SGCZ: variants seen among roughly 807,000 people sequenced by gnomAD.
SGCZ encodes the protein zeta-sarcoglycan.
A neutral mutation model predicts 41.3 loss-of-function variants in SGCZ; 40 were observed. The ratio of observed to expected loss-of-function variants is 0.97; its 90% CI spans 0.75 to 1.26. The LOEUF (loss-of-function observed/expected upper bound fraction) is 1.26. SGCZ is among the 50% of genes most tolerant of loss of function. SGCZ has a pLI of 0.00. For synonymous variants in SGCZ, 206 were observed against 137.5 expected (o/e 1.50, Z -3.49); for missense variants, 552 against 369.8 (o/e 1.49, Z -4.04).
intron 1 of SGCZ, among the ~76,000 whole-genome samples, chr8:15,014,335 T>G (rs1802944702): frequency 6.6e-6 from 1 of 152,188 alleles, no homozygotes; most frequent in South Asian, 2.1e-4. Flanking sequence ...CAGGGGCTGT[T>G]CACAGTGGTT....
intron 3 of SGCZ, among the ~76,000 whole-genome samples, chr8:14,279,975 T>G (rs1176626435): frequency 6.6e-6 from 1 of 151,894 alleles, no homozygotes; most frequent in Non-Finnish European, 1.5e-5. Flanking sequence ...TTACTCAGCT[T>G]AGGGGCTTTG....
intron 1 of SGCZ, among the ~76,000 whole-genome samples, chr8:15,167,337 C>A (rs1404976468): frequency 6.6e-6 from 1 of 152,210 alleles, no homozygotes; most frequent in Non-Finnish European, 1.5e-5. Flanking sequence ...ATGGAGGAAA[C>A]TGGCCTCACG....
At chr8:14,623,678 T>C (rs919501805) in intron 1 of SGCZ, among the ~76,000 whole-genome samples, 14 of 152,172 alleles carry the variant, frequency 9.2e-5, no homozygotes, top group Non-Finnish European at 2.1e-4. Flanking sequence ...TAAGTAATGT[T>C]TATAATTTTT....
At chr8:14,178,979 G>A (rs1804636953) in intron 4 of SGCZ, among the ~76,000 whole-genome samples, 1 of 152,166 alleles carries the variant, frequency 6.6e-6, no homozygotes, top group African/African-American at 2.4e-5. Flanking sequence ...GGAAAGCACT[G>A]GCAGACCTCA....
At chr8:15,008,898 T>C (rs1396133206) in intron 1 of SGCZ, among the ~76,000 whole-genome samples, 1 of 152,016 alleles carries the variant, frequency 6.6e-6, no homozygotes, top group Non-Finnish European at 1.5e-5. Flanking sequence ...TTTTTATTTT[T>C]AAGGAAAAAA....
At chr8:14,359,218 G>T (rs934046802) in intron 2 of SGCZ, among the ~76,000 whole-genome samples, 3 of 151,938 alleles carry the variant, frequency 2.0e-5, no homozygotes, top group East Asian at 3.9e-4. Context: ...ATAAAGAAAG[G>T]ATCCTAAAAT....
chr8:14,984,377 T>G (rs1355276238), intron 1 of SGCZ, among the ~76,000 whole-genome samples: 1 of 152,120 alleles, frequency 6.6e-6, no homozygotes, highest in African/African-American at 2.4e-5. Flanking sequence ...ATTTCCCTGA[T>G]TGTCTTATGA....
At chr8:14,289,217 GA>G (rs1800754781) in intron 3 of SGCZ, among the ~76,000 whole-genome samples, 1 of 65,330 alleles carries the variant, frequency 1.5e-5, no homozygotes, top group African/African-American at 3.7e-5. Context: ...CACATAGTAG[GA>G]TTTTTTTTTT....
chr8:14,863,854 T>C (rs113335703), intron 1 of SGCZ, among the ~76,000 whole-genome samples: 28 of 152,162 alleles, frequency 1.8e-4, no homozygotes, highest in African/African-American at 6.3e-4. Context: ...AGGGGGGCAA[T>C]TAGTACCTTT....
intron 2 of SGCZ, among the ~76,000 whole-genome samples, chr8:14,341,656 A>T (rs1277293629): frequency 6.6e-6 from 1 of 152,062 alleles, no homozygotes; most frequent in Non-Finnish European, 1.5e-5. Flanking sequence ...CAGAATTCCC[A>T]TGTGTTATAG....
rs370252388 is a variant in SGCZ at position 14,147,895 on chromosome 8, A to G, written c.547+16685T>C. ...ACAATAAAACTAGAAATTAATAATA[A>G]GAGGAATTTTGCGAACTATACAAAT... On this transcript the variant is annotated intron_variant, in intron 5 of 7. Coordinates refer to ENST00000382080, the MANE Select transcript of SGCZ (RefSeq NM_139167.4). Among the ~76,000 whole-genome samples the G allele has an allele frequency of 2.6e-5, 4 of 152,132 alleles. No homozygotes were observed. The East Asian group carries it at 5.8e-4, about 22-fold the overall frequency.
chr8:14,525,300 C>G (rs1342665587), intron 2 of SGCZ, among the ~76,000 whole-genome samples: 3 of 152,102 alleles, frequency 2.0e-5, no homozygotes, highest in African/African-American at 7.2e-5. Context: ...TTGCTCCCTG[C>G]TCTTTGAGAT....
chr8:14,578,248 T>A (rs956925054), intron 1 of SGCZ, among the ~76,000 whole-genome samples: 17 of 152,204 alleles, frequency 1.1e-4, no homozygotes, highest in African/African-American at 3.9e-4. Flanking sequence ...GTGTGACATT[T>A]CACCAGCCAC....
chr8:14,390,043 A>G (rs1804714070), intron 2 of SGCZ, among the ~76,000 whole-genome samples: 1 of 152,022 alleles, frequency 6.6e-6, no homozygotes, highest in African/African-American at 2.4e-5. Flanking sequence ...AAAATGAGTT[A>G]TCCGTTTGTA....
chr8:14,863,434 C>A (rs1225864318), intron 1 of SGCZ, among the ~76,000 whole-genome samples: 1 of 152,082 alleles, frequency 6.6e-6, no homozygotes, highest in Non-Finnish European at 1.5e-5. Context: ...AAGCAATCCT[C>A]CCACCTCAGC....
intron 2 of SGCZ, among the ~76,000 whole-genome samples, chr8:14,460,677 A>AT (rs1218219568): frequency 2.0e-5 from 3 of 152,132 alleles, no homozygotes; most frequent in Admixed American, 6.6e-5. Flanking sequence ...AAAGAAGTAG[A>AT]TTTTGTCCCT....
intron 1 of SGCZ, among the ~76,000 whole-genome samples, chr8:15,206,024 T>C (rs76411800): frequency 0.054 from 8,286 of 152,102 alleles, 257 homozygotes; most frequent in South Asian, 0.074. Context: ...TGGGGTCTAC[T>C]TGAGGATGGA....
At chr8:14,412,974 A>C (rs1799400667) in intron 2 of SGCZ, among the ~76,000 whole-genome samples, 1 of 152,026 alleles carries the variant, frequency 6.6e-6, no homozygotes, top group African/African-American at 2.4e-5. Context: ...GCTAGCATTC[A>C]TAATTTGTAT....
rs114011232 is a variant in SGCZ at position 15,095,311 on chromosome 8, C to G, written c.39+142274G>C. On this transcript the variant is annotated intron_variant, in intron 1 of 7. Transcript: ENST00000382080. ...ATGGGGTTTCACCATGTTACCCAAG[C>G]TGATCTCAAATTCCTGACCTCAAGT... Among the ~76,000 whole-genome samples the G allele has an allele frequency of 7.8e-3, 1,186 of 152,226 alleles. 16 individuals are homozygous for G. Among genetic ancestry groups the G allele is most frequent in the African/African-American group, 0.027 (1,122 of 41,536 alleles).
Sources: allele counts gnomAD v4.1 joint callset (sites outside exome capture counted in the v4.1 genomes callset), GRCh38; gene constraint gnomAD v4.1.1; transcripts MANE v1.5; gene names NCBI Gene and HGNC (gene_info 2026-07-23, HGNC 2026-07-21).